AKAP9: variants seen among roughly 807,000 people sequenced by gnomAD.
AKAP9 encodes the protein A-kinase anchor protein 9.
Under a neutral mutation model 488.5 loss-of-function variants are expected in AKAP9, and 311 were observed. The ratio of observed to expected loss-of-function variants is 0.64; its 90% CI spans 0.58 to 0.70. The LOEUF is 0.70. AKAP9 is among the 30% of genes least tolerant of loss of function. AKAP9 has a pLI of 0.00. For synonymous variants in AKAP9, 1,462 were observed against 1,483.5 expected (o/e 0.99, Z 0.33); for missense variants, 4,215 against 4,374.5 (o/e 0.96, Z 1.03).
At position 92,016,260 on chromosome 7, in the gene AKAP9, A is replaced by C. The variant is rs374309022; in HGVS notation, c.3744A>C (p.Glu1248Asp). The C allele has an allele frequency of 9.1e-6, 14 of 1,534,120 alleles. No homozygotes were observed. Among genetic ancestry groups the C allele is most frequent in the African/African-American group, 5.5e-5 (4 of 73,160 alleles). Reference sequence around the variant, plus strand: ...CAGAATTACAAGATTATAGATATGAAGTTCAAGGTAATAAAAGCTTACCAT... The same window carrying C: ...CAGAATTACAAGATTATAGATATGACGTTCAAGGTAATAAAAGCTTACCAT... The part of the protein sequence containing the change: ...EDPELQDYRY[E>D]VQDFQENMHT... The change falls in exon 11 of 50, where the codon GAA (glutamate) becomes GAC (aspartate). Residue 1248 changes from glutamate to aspartate, a missense_variant. Physicochemically the swap from Glu to Asp is conservative, Grantham distance 45. Coordinates refer to ENST00000356239, the MANE Select transcript of AKAP9 (RefSeq NM_005751.5).
chr7:91,996,025 A>T (rs1217685950), intron 7 of AKAP9: 1 of 448,894 alleles, frequency 2.2e-6, no homozygotes, highest in East Asian at 3.3e-5. Context: ...AAACTGAATT[A>T]GCAGGAAAAT....
intron 14 of AKAP9, among the ~76,000 whole-genome samples, chr7:92,024,429 A>G: frequency 7.6e-6 from 1 of 131,798 alleles, no homozygotes; most frequent in African/African-American, 2.6e-5. Context: ...TATATATATT[A>G]TGTGTGTGTG....
intron 26 of AKAP9, 58 bp downstream of exon 26, chr7:92,066,604 G>C: frequency 1.3e-6 from 2 of 1,593,272 alleles, no homozygotes; most frequent in Non-Finnish European, 1.7e-6. Context: ...TGTAAAATAA[G>C]ATGCATATCA....
chr7:92,025,531 T>C (rs1223411407), intron 14 of AKAP9, among the ~76,000 whole-genome samples: 1 of 152,242 alleles, frequency 6.6e-6, no homozygotes, highest in African/African-American at 2.4e-5. Flanking sequence ...TACTGTTCCC[T>C]GTGGGTAGAC....
chr7:92,109,703 C>T (rs372897318), intron 49 of AKAP9, among the ~76,000 whole-genome samples: 9 of 152,084 alleles, frequency 5.9e-5, no homozygotes, highest in Admixed American at 4.6e-4. Flanking sequence ...TTTGGGCGGC[C>T]GAGGCAGGCG....
chr7:92,010,468 C>T (rs1421697933), intron 8 of AKAP9, among the ~76,000 whole-genome samples: 3 of 152,188 alleles, frequency 2.0e-5, no homozygotes, highest in African/African-American at 7.2e-5. Flanking sequence ...TACTGCAATT[C>T]TTTTTTGTGA....
At chr7:91,969,586 C>G (rs1483962848) in intron 1 of AKAP9, among the ~76,000 whole-genome samples, 2 of 152,126 alleles carry the variant, frequency 1.3e-5, no homozygotes, top group Admixed American at 6.5e-5. Flanking sequence ...ACTTGGGGCT[C>G]TGGTGCTGGG....
intron 27 of AKAP9, 76 bp from the exon 28 acceptor site, chr7:92,070,825 AGCAG>A: frequency 1.1e-6 from 1 of 898,498 alleles, no homozygotes; most frequent in Non-Finnish European, 1.7e-6. Flanking sequence ...AAAAAAAAAA[AGCAG>A]ACCAAAAAAC....
chr7:92,069,997 T>TTTAAA (rs1190398331), intron 26 of AKAP9, 33 bp from the exon 27 acceptor site: 1 of 1,599,006 alleles, frequency 6.3e-7, no homozygotes, highest in Non-Finnish European at 8.5e-7. Context: ...TGAAATTTTT[T>TTTAAA]TTAAATTAAA....
At chr7:92,055,956 C>A (rs941151723) in intron 22 of AKAP9, among the ~76,000 whole-genome samples, 2 of 151,780 alleles carry the variant, frequency 1.3e-5, no homozygotes, top group African/African-American at 4.8e-5. Flanking sequence ...AACTACTTAC[C>A]TACAGATTTT....
intron 49 of AKAP9, among the ~76,000 whole-genome samples, chr7:92,109,673 C>T (rs1374377469): frequency 1.3e-5 from 2 of 152,146 alleles, no homozygotes; most frequent in Non-Finnish European, 2.9e-5. Flanking sequence ...CGCGGTGGCT[C>T]ATGCCTGTAA....
At chr7:92,040,523 A>C (rs1029234039) in intron 17 of AKAP9, 151 bp from the exon 18 acceptor site, 2 of 615,788 alleles carry the variant, frequency 3.2e-6, no homozygotes, top group African/African-American at 3.7e-5. Context: ...CCATTTTAAA[A>C]ATTATGTTTT....
Position 92,084,664 on chromosome 7 carries a change from C to A in AKAP9, c.8671C>A (p.His2891Asn). The change falls in exon 34 of 50, where the codon CAT becomes AAT. Residue 2891 changes from histidine to asparagine, a missense_variant. Physicochemically the swap from His to Asn is moderately conservative, Grantham distance 68. Transcript: ENST00000356239. ...KEGSSIPELA[H>N]SDAYQTREIC... ...GGGATCCTCAATTCCTGAGCTAGCA[C>A]ATTCTGATGCTTACCAGACTAGAGA... is the stretch of plus-strand genomic sequence containing the variant. The A allele has an allele frequency of 6.2e-7, 1 of 1,610,548 alleles. No individual in the cohort carries two copies. The highest frequency in any genetic ancestry group is 8.5e-7 in the Non-Finnish European group (1 of 1,177,132).
intron 38 of AKAP9, 51 bp from the exon 39 acceptor site, chr7:92,093,046 C>A: frequency 6.8e-7 from 1 of 1,475,054 alleles, no homozygotes; most frequent in Non-Finnish European, 9.4e-7. Flanking sequence ...ATTTATAAAC[C>A]AAATATGAGT....
chr7:92,016,121 G>T lies in AKAP9; in HGVS notation c.3613-8G>T. 1 of 1,596,412 alleles carries T rather than the reference G, an allele frequency of 6.3e-7. No individual in the cohort carries two copies. Reference sequence around the variant, plus strand: ...ATTCCTTAAAATACACAATTTTGTTGTTAACAGACTTTATGCAGTGTCCTT... The same window carrying T: ...ATTCCTTAAAATACACAATTTTGTTTTTAACAGACTTTATGCAGTGTCCTT... On this transcript the variant is annotated splice_region_variant and splice_polypyrimidine_tract_variant and intron_variant, in intron 10 of 49. Coordinates refer to ENST00000356239, the MANE Select transcript of AKAP9 (RefSeq NM_005751.5).
chr7:92,083,099 C>G (rs1813877064), intron 32 of AKAP9, 71 bp from the exon 33 acceptor site: 1 of 1,549,204 alleles, frequency 6.5e-7, no homozygotes, highest in Non-Finnish European at 8.8e-7. Flanking sequence ...CCTCCCACAC[C>G]CTTTAAATTC....
At chr7:91,968,871 T>C (rs1253139470) in intron 1 of AKAP9, among the ~76,000 whole-genome samples, 2 of 152,122 alleles carry the variant, frequency 1.3e-5, no homozygotes, top group Non-Finnish European at 2.9e-5. Flanking sequence ...ATGTTGGTTT[T>C]TTGTTTGTTT....
intron 21 of AKAP9, among the ~76,000 whole-genome samples, chr7:92,049,091 G>A (rs1007197135): frequency 6.6e-6 from 1 of 152,086 alleles, no homozygotes; most frequent in Non-Finnish European, 1.5e-5. Flanking sequence ...GGAGTTTATC[G>A]TTACCTGTCA....
At position 92,107,575 on chromosome 7, in the gene AKAP9, A is replaced by G. The variant is rs193160670; in HGVS notation, c.11546+153A>G. 2.9e-4 allele frequency: 214 copies of G among 739,044 alleles called. No individual in the cohort carries two copies. The East Asian group carries it at 6.1e-3, about 21-fold the overall frequency. The allele number at this position is 739,044 out of a possible 1,614,324, so 45.8% of individuals were successfully genotyped here. ...AATATGACCAAGTGCGGTGGCTCACACCTATAATCCCAGCACTTTGGGAGG... is the reference window on the plus strand; with the variant it reads ...AATATGACCAAGTGCGGTGGCTCACGCCTATAATCCCAGCACTTTGGGAGG... On this transcript the variant is annotated intron_variant, in intron 48 of 49. Transcript: ENST00000356239.
Sources: allele counts gnomAD v4.1 joint callset (sites outside exome capture counted in the v4.1 genomes callset), GRCh38; gene constraint gnomAD v4.1.1; transcripts MANE v1.5; gene names NCBI Gene and HGNC (gene_info 2026-07-23, HGNC 2026-07-21).